Variants in TMEM135 observed in about 807,000 individuals in gnomAD.
TMEM135 encodes transmembrane protein 135.
TMEM135 carries 30 observed loss-of-function variants against 60.3 expected under a neutral mutation model. That is an observed-to-expected ratio of 0.50 (90% CI 0.37 to 0.68). The LOEUF (loss-of-function observed/expected upper bound fraction) is 0.68. Among genes scored for constraint, TMEM135 ranks in the 30% least tolerant of loss-of-function variants. TMEM135 has a pLI of 0.00. For missense variants in TMEM135, 468 were observed against 548.8 expected (o/e 0.85, Z 1.47); for synonymous variants, 190 against 186.7 (o/e 1.02, Z -0.14).
At chr11:87,219,456 G>C (rs960202356) in intron 5 of TMEM135, among the ~76,000 whole-genome samples, 3 of 152,112 alleles carry the variant, frequency 2.0e-5, no homozygotes, top group South Asian at 2.1e-4. Flanking sequence ...ATGTGGTCAG[G>C]GGGTGGTGGC....
chr11:87,131,958 A>C (rs1937945290), intron 4 of TMEM135, among the ~76,000 whole-genome samples: 1 of 152,138 alleles, frequency 6.6e-6, no homozygotes, highest in South Asian at 2.1e-4. Context: ...GCACATGTGA[A>C]GGATCTGGTT....
intron 5 of TMEM135, among the ~76,000 whole-genome samples, chr11:87,196,543 A>T (rs1198606832): frequency 6.6e-6 from 1 of 152,180 alleles, no homozygotes; most frequent in African/African-American, 2.4e-5. Context: ...GATGCCTGGC[A>T]GTAGACTGTT....
chr11:87,136,654 A>G (rs540883090), intron 4 of TMEM135, among the ~76,000 whole-genome samples: 1 of 126,390 alleles, frequency 7.9e-6, no homozygotes, highest in Non-Finnish European at 1.7e-5. Context: ...TTTTACTACT[A>G]TTTCAACTTT....
intron 4 of TMEM135, among the ~76,000 whole-genome samples, chr11:87,136,571 G>A (rs1466007081): frequency 1.3e-5 from 2 of 151,846 alleles, no homozygotes; most frequent in Non-Finnish European, 2.9e-5. Context: ...TGAGAAATGG[G>A]ATTATTTCTT....
chr11:87,165,823 A>G (rs1243958036), intron 5 of TMEM135, among the ~76,000 whole-genome samples: 2 of 146,034 alleles, frequency 1.4e-5, no homozygotes. Flanking sequence ...GAAAGGATCA[A>G]TAAAATTGAT....
rs1029863834 is a variant in TMEM135 at position 87,323,961 on chromosome 11, G to A, written c.*2628G>A. 8.8e-6 allele frequency: 4 copies of A among 453,526 alleles called. No homozygotes were observed. The highest frequency in any genetic ancestry group is 7.1e-5 in the Admixed American group (3 of 42,500). The allele number at this position is 453,526 out of a possible 1,614,324, so 28.1% of individuals were successfully genotyped here. Reference sequence around the variant, plus strand: ...TCTAGTTTATTTTTTGCCTTCATTCGTTGTTTAGTCAGTTGTTATTTAATT... The same window carrying A: ...TCTAGTTTATTTTTTGCCTTCATTCATTGTTTAGTCAGTTGTTATTTAATT... On this transcript the variant is annotated 3_prime_UTR_variant, in exon 15 of 15. Transcript: ENST00000305494.
At position 87,321,298 on chromosome 11, in the gene TMEM135, A is replaced by T; in HGVS notation, c.1342A>T (p.Thr448Ser). The T allele has an allele frequency of 6.2e-7, 1 of 1,613,744 alleles. No individual in the cohort carries two copies. Among genetic ancestry groups the T allele is most frequent in the Non-Finnish European group, 8.5e-7 (1 of 1,179,706 alleles). ...FIPRLDPRYT[T>S]VTPELPTEFS ...CCCCAGGTTGGATCCAAGATACACAACTGTAACACCAGAGTTGCCCACAGA... is the reference window on the plus strand; with the variant it reads ...CCCCAGGTTGGATCCAAGATACACATCTGTAACACCAGAGTTGCCCACAGA... Residue 448 changes from threonine to serine, a missense_variant, in exon 15 of 15, where the codon ACT becomes TCT. Thr to Ser is a moderately conservative substitution (Grantham distance 58). Transcript: ENST00000305494.
At chr11:87,319,208 T>G in intron 13 of TMEM135, 102 bp from the exon 14 acceptor site, 1 of 1,010,730 alleles carries the variant, frequency 9.9e-7, no homozygotes, top group South Asian at 1.3e-5. Context: ...TTACAAAAAT[T>G]CTTGATAGTT....
At chr11:87,248,391 A>G (rs1400051670) in intron 6 of TMEM135, among the ~76,000 whole-genome samples, 2 of 152,206 alleles carry the variant, frequency 1.3e-5, no homozygotes, top group African/African-American at 4.8e-5. Context: ...GATAAAAGCC[A>G]TTTTAACTAG....
At chr11:87,125,256 A>G (rs1376300901) in intron 4 of TMEM135, among the ~76,000 whole-genome samples, 1 of 152,208 alleles carries the variant, frequency 6.6e-6, no homozygotes, top group Non-Finnish European at 1.5e-5. Context: ...ACCTTACATA[A>G]TAGAGGGAAA....
intron 5 of TMEM135, among the ~76,000 whole-genome samples, chr11:87,235,604 A>C (rs1281135911): frequency 6.6e-6 from 1 of 151,928 alleles, no homozygotes; most frequent in East Asian, 1.9e-4. Context: ...TCTTGTGGTC[A>C]CCCTTTCACA....
At position 87,069,284 on chromosome 11, in the gene TMEM135, C is replaced by CAAAAAAAAAAA. The variant is rs778885228; in HGVS notation, c.269+1477_269+1487dup. ...TGGGTGACAGAGTAAGACTCCGTCT[C>CAAAAAAAAAAA]AAAAAAAAAAAAAAAAAAAAAAAAG... On this transcript the variant is annotated intron_variant, in intron 2 of 14. Coordinates refer to ENST00000305494, the MANE Select transcript of TMEM135 (RefSeq NM_022918.4). Among the ~76,000 whole-genome samples the CAAAAAAAAAAA allele has an allele frequency of 1.8e-4, 11 of 62,490 alleles. 1 individual carries two copies. Among genetic ancestry groups the CAAAAAAAAAAA allele is most frequent in the South Asian group, 6.3e-4 (1 of 1,584 alleles). The allele number at this position is 62,490 out of a possible 152,430, so 41.0% of individuals were successfully genotyped here. A position where few individuals can be genotyped will look rare whatever the true frequency, so the allele number is the denominator to read the frequency against.
At chr11:87,305,254 T>G (rs1457396883) in intron 8 of TMEM135, among the ~76,000 whole-genome samples, 1 of 152,114 alleles carries the variant, frequency 6.6e-6, no homozygotes, top group Non-Finnish European at 1.5e-5. Flanking sequence ...ATAAGCAATT[T>G]AAGGTTTCCA....
At chr11:87,264,775 T>G (rs1380962011) in intron 6 of TMEM135, among the ~76,000 whole-genome samples, 13 of 151,906 alleles carry the variant, frequency 8.6e-5, no homozygotes, top group Non-Finnish European at 1.3e-4. Context: ...ATCTTAAACT[T>G]TATTCTTTGT....
chr11:87,170,008 C>CT (rs35152231), intron 5 of TMEM135, among the ~76,000 whole-genome samples: 41 of 150,020 alleles, frequency 2.7e-4, no homozygotes, highest in African/African-American at 3.9e-4. Context: ...CCTTTTTAGT[C>CT]TTTTTTTTTT....
chr11:87,218,548 T>C (rs372972873), intron 5 of TMEM135, among the ~76,000 whole-genome samples: 2 of 152,208 alleles, frequency 1.3e-5, no homozygotes, highest in East Asian at 1.9e-4. Context: ...CCAGCTGATA[T>C]TGCTTTAGTA....
intron 5 of TMEM135, among the ~76,000 whole-genome samples, chr11:87,202,782 C>T (rs1376261187): frequency 1.3e-5 from 2 of 149,982 alleles, no homozygotes; most frequent in Non-Finnish European, 3.0e-5. Flanking sequence ...CCTCTAATCC[C>T]AGCACTTTGG....
At chr11:87,075,755 A>G (rs1856858343) in intron 3 of TMEM135, among the ~76,000 whole-genome samples, 1 of 152,206 alleles carries the variant, frequency 6.6e-6, no homozygotes. Flanking sequence ...TCCCAAGCCC[A>G]ATATCATTAT....
chr11:87,126,104 T>G (rs533362896), intron 4 of TMEM135, among the ~76,000 whole-genome samples: 3 of 150,346 alleles, frequency 2.0e-5, no homozygotes, highest in Admixed American at 6.8e-5. Flanking sequence ...ATTCCTGACC[T>G]CAAGTGGTCC....
Sources: allele counts gnomAD v4.1 joint callset (sites outside exome capture counted in the v4.1 genomes callset), GRCh38; gene constraint gnomAD v4.1.1; transcripts MANE v1.5; gene names NCBI Gene and HGNC (gene_info 2026-07-23, HGNC 2026-07-21).